Variants in VCPIP1 observed in about 807,000 individuals in gnomAD.
VCPIP1 encodes valosin containing protein interacting protein 1.
Under a neutral mutation model 85.0 loss-of-function variants are expected in VCPIP1, and 8 were observed. That is an observed-to-expected ratio of 0.09 (90% CI 0.06 to 0.17). The LOEUF (loss-of-function observed/expected upper bound fraction) is 0.17. Among genes scored for constraint, VCPIP1 ranks in the 10% least tolerant of loss-of-function variants. The pLI, the probability that VCPIP1 is intolerant of heterozygous loss-of-function variation, is 1.00. For missense variants in VCPIP1, 1,070 were observed against 1,486.3 expected, an observed-to-expected ratio of 0.72 and a Z score of 4.61; for synonymous variants, 543 against 544.5, an observed-to-expected ratio of 1.00 and a Z score of 0.04.
chr8:66,646,039 G>C (rs1323742317), intron 2 of VCPIP1, among the ~76,000 whole-genome samples: 1 of 151,492 alleles, frequency 6.6e-6, no homozygotes. Context: ...ACTTACAACG[G>C]GTTACAGCCA....
intron 2 of VCPIP1, among the ~76,000 whole-genome samples, chr8:66,645,235 T>C (rs1319481835): frequency 2.0e-5 from 3 of 148,496 alleles, no homozygotes; most frequent in East Asian, 2.0e-4. Context: ...TTGGCCGACA[T>C]AGTGAAACCC....
At chr8:66,650,692 T>G (rs1811043386) in intron 2 of VCPIP1, among the ~76,000 whole-genome samples, 1 of 151,954 alleles carries the variant, frequency 6.6e-6, no homozygotes, top group Admixed American at 6.6e-5. Flanking sequence ...TCTGGAATAC[T>G]AGCATTATAA....
intron 2 of VCPIP1, among the ~76,000 whole-genome samples, chr8:66,643,163 A>G (rs1414491677): frequency 6.6e-6 from 1 of 152,056 alleles, no homozygotes; most frequent in African/African-American, 2.4e-5. Context: ...TGTCTACTAA[A>G]AATACAAAAA....
At position 66,664,340 on chromosome 8, in the gene VCPIP1, ATCT is replaced by A. The variant is rs777525329; in HGVS notation, c.2616_2618del (p.Glu872del). 9 of 1,612,918 alleles carry A rather than the reference ATCT, an allele frequency of 5.6e-6. No homozygotes were observed. In the South Asian group the frequency reaches 7.7e-5, roughly 14 times the overall value. On this transcript the variant is annotated inframe_deletion, in exon 1 of 3. Coordinates refer to ENST00000310421, the MANE Select transcript of VCPIP1 (RefSeq NM_025054.5). ...ATGACAGTTTACCAGTAACAGCAAT[ATCT>A]TCTTGTTTCACAGTGTGGGCTGAGT...
At chr8:66,650,708 T>A (rs1408742274) in intron 2 of VCPIP1, among the ~76,000 whole-genome samples, 1 of 151,968 alleles carries the variant, frequency 6.6e-6, no homozygotes, top group Non-Finnish European at 1.5e-5. Flanking sequence ...TATAAACAAA[T>A]CTGCTTCTGA....
chr8:66,636,265 T>C (rs1810885867), intron 2 of VCPIP1, among the ~76,000 whole-genome samples: 1 of 150,318 alleles, frequency 6.7e-6, no homozygotes. Context: ...AAAAAAGGTT[T>C]TGCAGGTGTT....
intron 1 of VCPIP1, chr8:66,653,451 T>G (rs1383297733): frequency 6.6e-6 from 1 of 152,210 alleles, no homozygotes; most frequent in African/African-American, 2.4e-5. Context: ...TTAATTTTTT[T>G]GATAAGAATC....
At position 66,665,709 on chromosome 8, in the gene VCPIP1, A is replaced by G; in HGVS notation, c.1250T>C (p.Met417Thr). Residue 417 changes from methionine to threonine, a missense_variant, in exon 1 of 3, where the codon ATG becomes ACG. Physicochemically the swap from Met to Thr is moderately conservative, Grantham distance 81. Around this residue, in one of 8 missense-constraint regions of VCPIP1, gnomAD observed 83 missense variants for 134.6 expected, o/e 0.62. Coordinates refer to ENST00000310421, the MANE Select transcript of VCPIP1 (RefSeq NM_025054.5). The surrounding 1 kb of genome is among the most constrained non-coding windows in gnomAD (Gnocchi z 4.3). ...DKYLLRLVAA[M>T]EEVFMDKHGI... is the part of the protein sequence containing the mutation. ...ATGTTTGTCCATAAAGACTTCTTCC[A>G]TAGCAGCAACAAGCCTAAGTAAGTA... 1 of 1,614,162 alleles carries G rather than the reference A, an allele frequency of 6.2e-7. No homozygotes were observed. Among genetic ancestry groups the G allele is most frequent in the Non-Finnish European group, 8.5e-7 (1 of 1,180,004 alleles).
At chr8:66,639,171 G>C (rs1810922578) in intron 2 of VCPIP1, among the ~76,000 whole-genome samples, 1 of 151,300 alleles carries the variant, frequency 6.6e-6, no homozygotes, top group Admixed American at 6.6e-5. Flanking sequence ...TTTTAGTAGA[G>C]ACAGGGTTTC....
At chr8:66,658,870 G>A (rs1356582225) in intron 1 of VCPIP1, among the ~76,000 whole-genome samples, 1 of 151,984 alleles carries the variant, frequency 6.6e-6, no homozygotes, top group Non-Finnish European at 1.5e-5. Context: ...ATATATATAC[G>A]TTAAAAAGCC....
chr8:66,667,227 GAC>G lies in VCPIP1; in HGVS notation c.-271_-270del, dbSNP rs774874751. The G allele has an allele frequency of 8.0e-5, 47 of 591,018 alleles. No homozygotes were observed. The highest frequency in any genetic ancestry group is 1.2e-4 in the Non-Finnish European group (44 of 366,726). 36.6% of individuals were successfully genotyped at this position (591,018 alleles called of 1,614,324 possible). A position where few individuals can be genotyped will look rare whatever the true frequency, so the allele number is the denominator to read the frequency against. On this transcript the variant is annotated 5_prime_UTR_variant, in exon 1 of 3. Coordinates refer to ENST00000310421, the MANE Select transcript of VCPIP1 (RefSeq NM_025054.5). Reference sequence around the variant, plus strand: ...ACTCACTCTCGCTCTCTCTCCCTCAGACACAGACATACACGCCCTCATTGAGT... The same window carrying G: ...ACTCACTCTCGCTCTCTCTCCCTCAGACAGACATACACGCCCTCATTGAGT...
chr8:66,645,487 T>C (rs992712945), intron 2 of VCPIP1, among the ~76,000 whole-genome samples: 19 of 151,992 alleles, frequency 1.3e-4, no homozygotes, highest in South Asian at 6.2e-4. Context: ...AATAAGAAAA[T>C]TGAAATTTGT....
chr8:66,634,344 G>C lies in VCPIP1; in HGVS notation c.*157C>G. On this transcript the variant is annotated 3_prime_UTR_variant, in exon 3 of 3. Transcript: ENST00000310421. ...GGGCAGCAGTATATTAAAAGCTATG[G>C]CCAATCACACACTTGCTATCATGCA... 3.7e-6 allele frequency: 3 copies of C among 802,064 alleles called. No homozygotes were observed. Among genetic ancestry groups the C allele is most frequent in the Non-Finnish European group, 5.5e-6 (3 of 546,940 alleles). 49.7% of individuals were successfully genotyped at this position (802,064 alleles called of 1,614,324 possible).
At chr8:66,659,430 T>C (rs1256224396) in intron 1 of VCPIP1, among the ~76,000 whole-genome samples, 1 of 152,166 alleles carries the variant, frequency 6.6e-6, no homozygotes, top group Non-Finnish European at 1.5e-5. Flanking sequence ...ATGTAAAATA[T>C]TATGGGTAAA....
Position 66,664,976 on chromosome 8 carries a change from A to G in VCPIP1, c.1983T>C (p.Asp661=). 6.2e-7 allele frequency: 1 copy of G among 1,613,604 alleles called. No homozygotes were observed. The highest frequency in any genetic ancestry group is 8.5e-7 in the Non-Finnish European group (1 of 1,179,664). ...ILHQTAKKNP[D]DYTPVNIDGA... ...CATCTATATTTACAGGAGTATAATC[A>G]TCGGGATTCTTTTTGGCAGTCTGAT... Residue 661 remains aspartate (D), a synonymous_variant, in exon 1 of 3, where the codon GAT becomes GAC. Transcript: ENST00000310421.
chr8:66,657,818 C>T (rs892416561), intron 1 of VCPIP1, among the ~76,000 whole-genome samples: 3 of 152,082 alleles, frequency 2.0e-5, no homozygotes, highest in Non-Finnish European at 2.9e-5. Flanking sequence ...GTAGTTGGAA[C>T]AGAATCTATT....
chr8:66,645,342 C>A (rs1810984105), intron 2 of VCPIP1, among the ~76,000 whole-genome samples: 1 of 152,060 alleles, frequency 6.6e-6, no homozygotes, highest in African/African-American at 2.4e-5. Context: ...CGCTTGAACT[C>A]AGGAGGCAGA....
chr8:66,634,881 G>T lies in VCPIP1; in HGVS notation c.3289C>A (p.Leu1097Ile), dbSNP rs781549478. 3.1e-6 allele frequency: 5 copies of T among 1,614,076 alleles called. No individual in the cohort carries two copies. The Admixed American group carries it at 6.7e-5, about 22-fold the overall frequency. ...TGGGCCTCAACCAAATCAGGATCAAGCTGCCTGCCGTCTCTCATTGTTACT... is the reference window on the plus strand; with the variant it reads ...TGGGCCTCAACCAAATCAGGATCAATCTGCCTGCCGTCTCTCATTGTTACT... ...GVVTMRDGRQ[L>I]DPDLVEAQRK... The change falls in exon 3 of 3, where the codon CTT becomes ATT. Residue 1097 changes from leucine to isoleucine, a missense_variant. By Grantham distance (5) the Leu-to-Ile change is conservative. Coordinates refer to ENST00000310421, the MANE Select transcript of VCPIP1 (RefSeq NM_025054.5).
At chr8:66,648,581 G>T (rs754448873) in intron 2 of VCPIP1, among the ~76,000 whole-genome samples, 11 of 147,432 alleles carry the variant, frequency 7.5e-5, no homozygotes, top group Non-Finnish European at 1.2e-4. Context: ...ATCTATCTGA[G>T]TCTCACTCTG....
Sources: allele counts gnomAD v4.1 joint callset (sites outside exome capture counted in the v4.1 genomes callset), GRCh38; gene constraint gnomAD v4.1.1; regional missense constraint gnomAD v4.1.1; non-coding constraint Gnocchi (gnomAD v3.1); transcripts MANE v1.5; gene names NCBI Gene and HGNC (gene_info 2026-07-23, HGNC 2026-07-21).